The following CPNE4 variants were observed in gnomAD, a reference collection of about 807,000 sequenced individuals.
CPNE4 encodes the protein copine 4, also known as copine-4.
CPNE4 carries 25 observed loss-of-function variants against 67.9 expected under a neutral mutation model. That is an observed-to-expected ratio of 0.37 (90% CI 0.27 to 0.51). The LOEUF (loss-of-function observed/expected upper bound fraction) is 0.51. Ranked by LOEUF, CPNE4 falls within the 20% of genes least tolerant of loss-of-function variation. The pLI, the probability that CPNE4 is intolerant of heterozygous loss-of-function variation, is 0.93. For synonymous variants in CPNE4, 242 were observed against 244.9 expected (o/e 0.99, Z 0.11); for missense variants, 464 against 690.8 (o/e 0.67, Z 3.68).
At chr3:131,892,060 C>A (rs1248416932) in intron 2 of CPNE4, among the ~76,000 whole-genome samples, 1 of 152,134 alleles carries the variant, frequency 6.6e-6, no homozygotes, top group Non-Finnish European at 1.5e-5. Context: ...CTCTGCCACA[C>A]TGTCTCTCCT....
chr3:131,799,918 GTTGT>G (rs770158707), intron 2 of CPNE4, among the ~76,000 whole-genome samples: 6 of 67,096 alleles, frequency 8.9e-5, no homozygotes, highest in African/African-American at 3.1e-4. Flanking sequence ...GTGTGTGTGT[GTTGT>G]GTGTGTGTGT....
At chr3:131,743,390 A>AG (rs1243917916) in intron 2 of CPNE4, among the ~76,000 whole-genome samples, 4 of 152,248 alleles carry the variant, frequency 2.6e-5, no homozygotes, top group Non-Finnish European at 5.9e-5. Flanking sequence ...CAGGCCACAC[A>AG]GAAAGCTAGA....
intron 2 of CPNE4, among the ~76,000 whole-genome samples, chr3:131,869,252 T>C (rs2087093822): frequency 6.6e-6 from 1 of 152,192 alleles, no homozygotes; most frequent in Non-Finnish European, 1.5e-5. Flanking sequence ...TGCTTCTCAC[T>C]GTGCTGAGTG....
intron 2 of CPNE4, among the ~76,000 whole-genome samples, chr3:131,870,107 G>C (rs950515649): frequency 7.2e-5 from 11 of 152,064 alleles, no homozygotes; most frequent in Non-Finnish European, 5.9e-5. Flanking sequence ...TAAAAAGAGG[G>C]ACCTCAGAAG....
intron 2 of CPNE4, among the ~76,000 whole-genome samples, chr3:131,735,238 C>T (rs547815231): frequency 6.6e-6 from 1 of 152,308 alleles, no homozygotes; most frequent in South Asian, 2.1e-4. Flanking sequence ...AGCCCAGGAA[C>T]CCTACTGCAA....
At chr3:131,887,427 C>T (rs1041004591) in intron 2 of CPNE4, among the ~76,000 whole-genome samples, 1 of 152,096 alleles carries the variant, frequency 6.6e-6, no homozygotes, top group Admixed American at 6.5e-5. Context: ...CAGACTAATA[C>T]AGAAATATTA....
chr3:131,780,692 G>A (rs1476766255), intron 2 of CPNE4, among the ~76,000 whole-genome samples: 1 of 152,116 alleles, frequency 6.6e-6, no homozygotes, highest in African/African-American at 2.4e-5. Flanking sequence ...GGAGGAAGAT[G>A]AGGATTGAAA....
intron 2 of CPNE4, among the ~76,000 whole-genome samples, chr3:131,813,670 C>G (rs1191064802): frequency 6.6e-6 from 1 of 151,752 alleles, no homozygotes; most frequent in Non-Finnish European, 1.5e-5. Context: ...ACCATTTTTT[C>G]AGTGGAAAAA....
intron 1 of CPNE4, among the ~76,000 whole-genome samples, chr3:131,952,017 G>A (rs1323054693): frequency 6.6e-6 from 1 of 151,768 alleles, no homozygotes; most frequent in African/African-American, 2.4e-5. Context: ...TCTCTGCCTG[G>A]CCGCCCATCG....
intron 2 of CPNE4, among the ~76,000 whole-genome samples, chr3:131,833,209 C>T (rs2085440891): frequency 6.6e-6 from 1 of 152,272 alleles, no homozygotes; most frequent in Admixed American, 6.5e-5. Context: ...TTATTAGCCA[C>T]CCAGTTTATA....
chr3:131,644,613 A>G (rs955665982), intron 7 of CPNE4, among the ~76,000 whole-genome samples: 35 of 152,354 alleles, frequency 2.3e-4, no homozygotes, highest in Non-Finnish European at 4.4e-5. Context: ...TTATACAAGA[A>G]GGGGCCATAC....
At chr3:131,977,414 G>A (rs1254040807) in intron 1 of CPNE4, among the ~76,000 whole-genome samples, 1 of 152,078 alleles carries the variant, frequency 6.6e-6, no homozygotes, top group Non-Finnish European at 1.5e-5. Context: ...GTGAAAAGTA[G>A]CACAGGATAA....
At chr3:131,951,611 G>A (rs1012583060) in intron 1 of CPNE4, among the ~76,000 whole-genome samples, 7 of 151,626 alleles carry the variant, frequency 4.6e-5, no homozygotes, top group Non-Finnish European at 7.4e-5. Flanking sequence ...CTCTGATGCC[G>A]AGCAGAAGCT....
chr3:131,974,903 G>A (rs1416295715), intron 1 of CPNE4, among the ~76,000 whole-genome samples: 1 of 152,126 alleles, frequency 6.6e-6, no homozygotes, highest in Admixed American at 6.5e-5. Flanking sequence ...AGCTGCTCGG[G>A]AGGCTGAGGG....
chr3:131,968,432 T>A (rs968055211), intron 1 of CPNE4, among the ~76,000 whole-genome samples: 3 of 152,184 alleles, frequency 2.0e-5, no homozygotes, highest in African/African-American at 7.2e-5. Flanking sequence ...ACCTACAGAA[T>A]GGGAGAAAAT....
At chr3:131,747,983 A>G (rs565824682) in intron 2 of CPNE4, among the ~76,000 whole-genome samples, 2 of 152,162 alleles carry the variant, frequency 1.3e-5, no homozygotes, top group South Asian at 4.2e-4. Context: ...TAGTTGTAAG[A>G]TCTCTGTAGA....
intron 2 of CPNE4, among the ~76,000 whole-genome samples, chr3:131,795,976 T>C: frequency 6.6e-6 from 1 of 152,178 alleles, no homozygotes; most frequent in Non-Finnish European, 1.5e-5. Context: ...TTATGAGAAA[T>C]AAAGCTCTTG....
In CPNE4 at chr3:132,022,567, CAA is replaced by C. The variant is rs764015160; in HGVS notation, c.-2+11998_-2+11999del. On this transcript the variant is annotated intron_variant, in intron 1 of 15. Transcript: ENST00000429747. ...ATTTCCTGTACACAAAGATGCTATA[CAA>C]AAAAAAAATAATAATAATAATAATC... Among the ~76,000 whole-genome samples, 172 of 38,870 alleles carry C rather than the reference CAA, an allele frequency of 4.4e-3. 1 individual carries two copies. Among genetic ancestry groups the C allele is most frequent in the African/African-American group, 0.014 (159 of 11,724 alleles). The allele number at this position is 38,870 out of a possible 152,430, so 25.5% of individuals were successfully genotyped here. A position where few individuals can be genotyped will look rare whatever the true frequency, so the allele number is the denominator to read the frequency against.
chr3:131,814,572 A>AT (rs71136418), intron 2 of CPNE4, among the ~76,000 whole-genome samples: 1 of 71,072 alleles, frequency 1.4e-5, no homozygotes, highest in African/African-American at 5.6e-5. Flanking sequence ...TTGAAATGCA[A>AT]TTTTTTTTTT....
Sources: allele counts gnomAD v4.1 joint callset (sites outside exome capture counted in the v4.1 genomes callset), GRCh38; gene constraint gnomAD v4.1.1; transcripts MANE v1.5; gene names NCBI Gene and HGNC (gene_info 2026-07-23, HGNC 2026-07-21).